The following SH3TC2 variants were observed in gnomAD, a reference collection of about 807,000 sequenced individuals.
The protein encoded by SH3TC2 is SH3 domain and tetratricopeptide repeat-containing protein 2.
Under a neutral mutation model 124.5 loss-of-function variants are expected in SH3TC2, and 87 were observed. The ratio of observed to expected loss-of-function variants is 0.70; its 90% CI spans 0.59 to 0.84. SH3TC2 has a LOEUF of 0.84. Ranked by LOEUF, SH3TC2 falls within the 40% of genes least tolerant of loss-of-function variation. The pLI, the probability that SH3TC2 is intolerant of heterozygous loss-of-function variation, is 0.00. For synonymous variants in SH3TC2, 634 were observed against 628.5 expected (o/e 1.01, Z -0.13); for missense variants, 1,536 against 1,566.4 (o/e 0.98, Z 0.33).
intron 5 of SH3TC2, 49 bp from the exon 6 acceptor site, chr5:149,041,666 G>A (rs947899021): frequency 6.3e-7 from 1 of 1,588,892 alleles, no homozygotes; most frequent in Non-Finnish European, 8.6e-7. Flanking sequence ...AGCAGGAAGT[G>A]AAAACGGATT....
rs375723413 is a variant in SH3TC2 at position 148,991,971 on chromosome 5, A to ACCATGGGT, written c.*12732_*12739dup. ...GAGCAACCCTAACATGTGTTGGGTG[A>ACCATGGGT]CCATGGGTAAGGCTTTCCCTTTTCT... On this transcript the variant is annotated 3_prime_UTR_variant, in exon 17 of 17. Transcript: ENST00000515425. Among the ~76,000 whole-genome samples the ACCATGGGT allele has an allele frequency of 3.0e-3, 453 of 152,292 alleles. 2 individuals carry two copies. Among genetic ancestry groups the ACCATGGGT allele is most frequent in the African/African-American group, 0.01 (434 of 41,562 alleles).
At chr5:149,030,156 C>T (rs1186285979) in intron 9 of SH3TC2, among the ~76,000 whole-genome samples, 5 of 152,216 alleles carry the variant, frequency 3.3e-5, no homozygotes, top group African/African-American at 4.8e-5. Flanking sequence ...CTTGGGCCAC[C>T]TCTTCTCTTC....
In SH3TC2 at chr5:148,983,913, T is replaced by G. The variant is rs1222732243; in HGVS notation, c.*20798A>C. The stretch of plus-strand genomic sequence containing the variant: ...AAAGCACATCCAAGAGATGGTGACA[T>G]CTTTGAGGTACTATCAACCTGCTCC... On this transcript the variant is annotated 3_prime_UTR_variant, in exon 17 of 17. Transcript: ENST00000515425. Among the ~76,000 whole-genome samples, 2 of 152,198 alleles carry G rather than the reference T, an allele frequency of 1.3e-5. No individual in the cohort carries two copies. The highest frequency in any genetic ancestry group is 2.9e-5 in the Non-Finnish European group (2 of 68,032).
chr5:148,998,929 G>A lies in SH3TC2; in HGVS notation c.*5782C>T, dbSNP rs1231580631. 2.6e-5 allele frequency among the ~76,000 whole-genome samples: 4 copies of A among 152,078 alleles called. No individual in the cohort carries two copies. The highest frequency in any genetic ancestry group is 9.7e-5 in the African/African-American group (4 of 41,434). ...GGAAGACCGCCAAGTGAGAGGCCCA[G>A]TAGCAAAGAGCACCCCTAACATACA... is the stretch of plus-strand genomic sequence containing the variant. On this transcript the variant is annotated 3_prime_UTR_variant, in exon 17 of 17. Coordinates refer to ENST00000515425, the MANE Select transcript of SH3TC2 (RefSeq NM_024577.4).
In SH3TC2 at chr5:148,987,372, C is replaced by T. The variant is rs1349033847; in HGVS notation, c.*17339G>A. Among the ~76,000 whole-genome samples, 10 of 152,154 alleles carry T rather than the reference C, an allele frequency of 6.6e-5. No individual in the cohort carries two copies. The highest frequency in any genetic ancestry group is 1.5e-4 in the Non-Finnish European group (10 of 68,026). ...CTATTGCTACAGCCTGGGGCAGTGC[C>T]AGGCACATAGAAGGAATCTAACAAC... On this transcript the variant is annotated 3_prime_UTR_variant, in exon 17 of 17. Transcript: ENST00000515425.
Position 149,000,073 on chromosome 5 carries a change from T to A in SH3TC2, c.*4638A>T, listed in dbSNP as rs117883175. Among the ~76,000 whole-genome samples the A allele has an allele frequency of 2.7e-3, 412 of 152,314 alleles. 12 individuals carry two copies. The East Asian group carries it at 0.067, about 25-fold the overall frequency. On this transcript the variant is annotated 3_prime_UTR_variant, in exon 17 of 17. Transcript: ENST00000515425. ...ACGTCCTCCAGAAAGCCCTTCCTGATGCCCGTAACCCTGTCTGGGTAAAAT... is the reference window on the plus strand; with the variant it reads ...ACGTCCTCCAGAAAGCCCTTCCTGAAGCCCGTAACCCTGTCTGGGTAAAAT...
rs1753271918 is a variant in SH3TC2 at position 148,982,814 on chromosome 5, TC to T, written c.*21896del. Among the ~76,000 whole-genome samples, 1 of 152,220 alleles carries T rather than the reference TC, an allele frequency of 6.6e-6. No individual in the cohort carries two copies. Among genetic ancestry groups the T allele is most frequent in the Non-Finnish European group, 1.5e-5 (1 of 68,038 alleles). The stretch of plus-strand genomic sequence containing the variant: ...CCTTGTTTAATTTTTCATTTGGGAA[TC>T]ATGAGAATTCATTATTTGTTCATAT... On this transcript the variant is annotated 3_prime_UTR_variant, in exon 17 of 17. Transcript: ENST00000515425.
rs374788786 is a variant in SH3TC2 at position 149,041,629 on chromosome 5, G to A, written c.530-12C>T. 14 of 1,613,886 alleles carry A rather than the reference G, an allele frequency of 8.7e-6. No individual in the cohort carries two copies. The highest frequency in any genetic ancestry group is 2.7e-5 in the African/African-American group (2 of 74,938). ...GCAGAAGAAGTGGCCTGTGGATAAT[G>A]AGAAAAGCAATGGCTTTCTAAGGAG... On this transcript the variant is annotated splice_polypyrimidine_tract_variant and intron_variant, in intron 5 of 16. Transcript: ENST00000515425.
intron 12 of SH3TC2, among the ~76,000 whole-genome samples, chr5:149,021,843 T>C (rs1041408979): frequency 4.0e-5 from 6 of 150,382 alleles, no homozygotes; most frequent in African/African-American, 1.2e-4. Flanking sequence ...TTTCATCAAA[T>C]GTTTAAAGGA....
At chr5:149,025,612 A>G (rs960745013) in intron 12 of SH3TC2, among the ~76,000 whole-genome samples, 2 of 152,226 alleles carry the variant, frequency 1.3e-5, no homozygotes, top group Non-Finnish European at 2.9e-5. Context: ...AATGGAATCA[A>G]TTTAAGGCTT....
At chr5:149,019,724 G>A (rs571813026) in intron 12 of SH3TC2, among the ~76,000 whole-genome samples, 43 of 152,250 alleles carry the variant, frequency 2.8e-4, no homozygotes, top group African/African-American at 9.9e-4. Context: ...GGAAAACGGC[G>A]GAATCTTGTT....
intron 13 of SH3TC2, 43 bp from the exon 14 acceptor site, chr5:149,010,435 T>G: frequency 6.2e-7 from 1 of 1,611,968 alleles, no homozygotes; most frequent in Non-Finnish European, 8.5e-7. Context: ...AGAGGAGGGC[T>G]TCCTGACCTC....
Position 149,026,935 on chromosome 5 carries a change from C to T in SH3TC2, c.2797G>A (p.Gly933Arg). The stretch of plus-strand genomic sequence containing the variant: ...AGAAGGCCATGGGTCAGCTGGTGTC[C>T]AGACACCAGAACTTGGGCCAACCAG... The part of the protein sequence containing the change: ...FLWLAQVLVS[G>R]HQLTHGLLCY... The change falls in exon 11 of 17, where the codon GGA becomes AGA. Residue 933 changes from glycine (G) to arginine (R), a missense_variant. Around this residue, in one of 3 missense-constraint regions of SH3TC2, gnomAD observed 426 missense variants for 443.5 expected, o/e 0.96. Transcript: ENST00000515425. The T allele has an allele frequency of 6.2e-7, 1 of 1,614,128 alleles. No homozygotes were observed.
rs1034878805 is a variant in SH3TC2 at position 148,993,097 on chromosome 5, G to A, written c.*11614C>T. ...ACTCCTGGCTTCCATAGACGCTTAA[G>A]GTGATTAGGCATTTGTCCCTCACCG... On this transcript the variant is annotated 3_prime_UTR_variant, in exon 17 of 17. Transcript: ENST00000515425. Among the ~76,000 whole-genome samples the A allele has an allele frequency of 7.9e-5, 12 of 152,204 alleles. No individual in the cohort carries two copies. The highest frequency in any genetic ancestry group is 2.9e-4 in the African/African-American group (12 of 41,532).
In SH3TC2 at chr5:149,044,621, C is replaced by T; in HGVS notation, c.297G>A (p.Leu99=). The change falls in exon 4 of 17, where the codon TTG becomes TTA. Residue 99 remains leucine, a synonymous_variant. Coordinates refer to ENST00000515425, the MANE Select transcript of SH3TC2 (RefSeq NM_024577.4). ...GGGCCCTCTGAGACTGGATACTGAC[C>T]AACCTTGCTGAGAGGTCCTACGTAA... ...RMLFKDLSAR[L]VSIQSQRAQF... is the part of the protein sequence containing the mutation. 6.2e-7 allele frequency: 1 copy of T among 1,613,932 alleles called. No individual in the cohort carries two copies. The highest frequency in any genetic ancestry group is 8.5e-7 in the Non-Finnish European group (1 of 1,179,906).
At chr5:149,028,616 C>T (rs1375265902) in intron 10 of SH3TC2, 61 bp downstream of exon 10, 3 of 1,614,160 alleles carry the variant, frequency 1.9e-6, no homozygotes, top group Non-Finnish European at 2.5e-6. Flanking sequence ...CCGCTCTTGG[C>T]AAGAGGACAG....
Position 149,040,692 on chromosome 5 carries a change from A to G in SH3TC2, c.732-15T>C. 6.2e-7 allele frequency: 1 copy of G among 1,613,166 alleles called. No homozygotes were observed. Among genetic ancestry groups the G allele is most frequent in the African/African-American group, 1.3e-5 (1 of 75,038 alleles). ...TTAGGAACCACCTGCCAATGAAAAC[A>G]TGGGGTTTGCAAACACAGATTTCAA... On this transcript the variant is annotated splice_polypyrimidine_tract_variant and intron_variant, in intron 6 of 16. Coordinates refer to ENST00000515425, the MANE Select transcript of SH3TC2 (RefSeq NM_024577.4).
In SH3TC2 at chr5:149,044,513, C is replaced by T. The variant is rs747516447; in HGVS notation, c.385+20G>A. ...AATTGTGGAGGAGGTCATCCTCCAC[C>T]TGCTTGCCTTGTACCATACCTAAAT... is the stretch of plus-strand genomic sequence containing the variant. On this transcript the variant is annotated intron_variant, in intron 4 of 16. Transcript: ENST00000515425. The T allele has an allele frequency of 1.2e-6, 2 of 1,600,732 alleles. No homozygotes were observed. Among genetic ancestry groups the T allele is most frequent in the South Asian group, 1.1e-5 (1 of 90,772 alleles).
rs1753499592 is a variant in SH3TC2 at position 148,995,752 on chromosome 5, A to G, written c.*8959T>C. Reference sequence around the variant, plus strand: ...ATCAGACACTGGGCTGGGCTCCAGAAATACAGAGCTGAGTGACCCAAATAA... The same window carrying G: ...ATCAGACACTGGGCTGGGCTCCAGAGATACAGAGCTGAGTGACCCAAATAA... On this transcript the variant is annotated 3_prime_UTR_variant, in exon 17 of 17. Coordinates refer to ENST00000515425, the MANE Select transcript of SH3TC2 (RefSeq NM_024577.4). 6.6e-6 allele frequency among the ~76,000 whole-genome samples: 1 copy of G among 152,136 alleles called. No homozygotes were observed. The highest frequency in any genetic ancestry group is 1.5e-5 in the Non-Finnish European group (1 of 68,012).
Sources: gnomAD v4.1 joint callset for allele counts (sites outside exome capture counted in the v4.1 genomes callset) on GRCh38, gnomAD v4.1.1 for gene constraint, gnomAD v4.1.1 regional missense constraint, MANE v1.5 for transcripts, NCBI Gene and HGNC (gene_info 2026-07-23, HGNC 2026-07-21) for gene names.